The following RBM33 variants were observed in gnomAD, a reference collection of about 807,000 sequenced individuals.
RBM33 encodes the protein RNA-binding protein 33.
In RBM33, 28 loss-of-function variants were observed where a neutral mutation model predicts 132.6. The ratio of observed to expected loss-of-function variants is 0.21; its 90% CI spans 0.16 to 0.29. The LOEUF (loss-of-function observed/expected upper bound fraction) is 0.29, where lower values mean the gene tolerates loss of function less well. RBM33 is among the 10% of genes least tolerant of loss of function. The pLI is 1.00. For missense variants in RBM33, 1,291 were observed against 1,518.5 expected, an observed-to-expected ratio of 0.85 and a Z score of 2.49; for synonymous variants, 634 against 593.0, an observed-to-expected ratio of 1.07 and a Z score of -1.01.
chr7:155,661,538 G>C (rs926164739), intron 1 of RBM33, among the ~76,000 whole-genome samples: 4 of 151,856 alleles, frequency 2.6e-5, no homozygotes, highest in African/African-American at 9.7e-5. Flanking sequence ...CTCCCGAGTA[G>C]CCGGGATTAC....
At chr7:155,699,180 T>A (rs1452031322) in intron 5 of RBM33, among the ~76,000 whole-genome samples, 1 of 152,206 alleles carries the variant, frequency 6.6e-6, no homozygotes, top group Non-Finnish European at 1.5e-5. Context: ...TGAAGATGAC[T>A]TTGTAGAATC....
chr7:155,764,250 G>C (rs1263675388), intron 15 of RBM33, among the ~76,000 whole-genome samples: 1 of 152,182 alleles, frequency 6.6e-6, no homozygotes, highest in East Asian at 1.9e-4. Context: ...AGCCAGCCAG[G>C]AGTGCGATTG....
intron 13 of RBM33, among the ~76,000 whole-genome samples, chr7:155,744,578 C>T (rs1312470119): frequency 1.3e-5 from 2 of 152,196 alleles, no homozygotes; most frequent in African/African-American, 4.8e-5. Flanking sequence ...TTACACCCCA[C>T]CTTTTGTTGG....
chr7:155,773,568 C>CAAAAAAAAAAAAAA (rs201127157), intron 16 of RBM33, among the ~76,000 whole-genome samples: 12 of 50,476 alleles, frequency 2.4e-4, no homozygotes, highest in African/African-American at 1.0e-3. Context: ...ACTCCATCTC[C>CAAAAAAAAAAAAAA]AAAAAAAAAA....
At chr7:155,758,891 A>C (rs952636141) in intron 14 of RBM33, among the ~76,000 whole-genome samples, 3 of 152,008 alleles carry the variant, frequency 2.0e-5, no homozygotes, top group Non-Finnish European at 2.9e-5. Flanking sequence ...CTGCATCCCA[A>C]CCTGCCACTG....
At chr7:155,680,442 C>A in intron 4 of RBM33, 148 bp from the exon 5 acceptor site, 1 of 643,070 alleles carries the variant, frequency 1.6e-6, no homozygotes, top group Non-Finnish European at 2.6e-6. Flanking sequence ...ATTTTGAGTA[C>A]TGTTGGAGTT....
chr7:155,673,774 A>ACACACACG (rs1563138099), intron 3 of RBM33, among the ~76,000 whole-genome samples: 1 of 132,062 alleles, frequency 7.6e-6, no homozygotes, highest in Non-Finnish European at 1.6e-5. Flanking sequence ...GCGCGCACAC[A>ACACACACG]CACACACACA....
chr7:155,730,170 TCA>T (rs1324033777), intron 9 of RBM33, among the ~76,000 whole-genome samples: 2 of 152,218 alleles, frequency 1.3e-5, no homozygotes, highest in African/African-American at 4.8e-5. Context: ...GTCTCAGCTC[TCA>T]CGGACCCGGC....
In RBM33 at chr7:155,673,559, TAC is replaced by T. The variant is rs1171273354; in HGVS notation, c.171+650_171+651del. ...ATATACATACACACGTGTATATATA[TAC>T]ACACATATACATACACACGTGTATA... is the stretch of plus-strand genomic sequence containing the variant. On this transcript the variant is annotated intron_variant, in intron 3 of 17. Transcript: ENST00000401878. Among the ~76,000 whole-genome samples, 56 of 85,396 alleles carry T rather than the reference TAC, an allele frequency of 6.6e-4. 1 individual carries two copies. Among genetic ancestry groups the T allele is most frequent in the African/African-American group, 2.7e-3 (51 of 18,696 alleles). 56.0% of individuals were successfully genotyped at this position (85,396 alleles called of 152,430 possible).
At chr7:155,755,265 G>A (rs1467674282) in intron 14 of RBM33, among the ~76,000 whole-genome samples, 1 of 152,188 alleles carries the variant, frequency 6.6e-6, no homozygotes, top group African/African-American at 2.4e-5. Context: ...ATTCATAAGA[G>A]GCTGCCCTGG....
intron 5 of RBM33, among the ~76,000 whole-genome samples, chr7:155,690,796 C>T (rs1053807717): frequency 2.0e-5 from 3 of 152,058 alleles, no homozygotes; most frequent in Non-Finnish European, 4.4e-5. Context: ...AATATTGGAC[C>T]CCACTCTCTT....
At chr7:155,656,457 G>A (rs1798493895) in intron 1 of RBM33, among the ~76,000 whole-genome samples, 1 of 152,166 alleles carries the variant, frequency 6.6e-6, no homozygotes, top group Non-Finnish European at 1.5e-5. Flanking sequence ...GATTATTAGT[G>A]TAGTATCGAA....
In RBM33 at chr7:155,644,938, C is replaced by A. The variant is rs888981628; in HGVS notation, c.43+19C>A. 2.0e-6 allele frequency: 3 copies of A among 1,490,706 alleles called. No individual in the cohort carries two copies. Among genetic ancestry groups the A allele is most frequent in the Non-Finnish European group, 1.8e-6 (2 of 1,124,926 alleles). 92.3% of individuals were successfully genotyped at this position (1,490,706 alleles called of 1,614,324 possible). On this transcript the variant is annotated intron_variant, in intron 1 of 17. Transcript: ENST00000401878. ...GCCGGAGGTACGTGAGGCAGCCGGA[C>A]TCTGGGGGCCAGGACCGCGCCGCGG... is the stretch of plus-strand genomic sequence containing the variant.
At chr7:155,770,825 C>G (rs981910601) in intron 16 of RBM33, among the ~76,000 whole-genome samples, 1 of 152,124 alleles carries the variant, frequency 6.6e-6, no homozygotes, top group Non-Finnish European at 1.5e-5. Flanking sequence ...GGAAAAGAGG[C>G]GGGTTCTGAA....
At chr7:155,767,294 T>C (rs1292579219) in intron 16 of RBM33, among the ~76,000 whole-genome samples, 2 of 152,256 alleles carry the variant, frequency 1.3e-5, no homozygotes, top group Non-Finnish European at 2.9e-5. Flanking sequence ...TTCAGTCCGA[T>C]TTCTGGCCTC....
At chr7:155,688,975 T>G (rs888506405) in intron 5 of RBM33, among the ~76,000 whole-genome samples, 5 of 152,226 alleles carry the variant, frequency 3.3e-5, no homozygotes, top group African/African-American at 1.2e-4. Context: ...ATCAGGATGA[T>G]GCTGGCCTCA....
intron 5 of RBM33, among the ~76,000 whole-genome samples, chr7:155,692,456 A>C (rs890834637): frequency 1.3e-5 from 2 of 152,174 alleles, no homozygotes; most frequent in Non-Finnish European, 2.9e-5. Flanking sequence ...CTTCCTCTGG[A>C]GTCAAGGACA....
intron 1 of RBM33, among the ~76,000 whole-genome samples, chr7:155,650,956 C>T (rs1563126963): frequency 6.6e-6 from 1 of 152,130 alleles, no homozygotes; most frequent in Non-Finnish European, 1.5e-5. Flanking sequence ...CAGCTCACTG[C>T]CACCTCCACC....
intron 3 of RBM33, among the ~76,000 whole-genome samples, chr7:155,674,190 C>T (rs547230842): frequency 2.7e-4 from 41 of 151,826 alleles, no homozygotes; most frequent in Non-Finnish European, 4.4e-4. Flanking sequence ...TAGGAGTAAA[C>T]TGAAATACAT....
Sources: allele counts gnomAD v4.1 joint callset (sites outside exome capture counted in the v4.1 genomes callset), GRCh38; gene constraint gnomAD v4.1.1; transcripts MANE v1.5; gene names NCBI Gene and HGNC (gene_info 2026-07-23, HGNC 2026-07-21).